The following DNAH9 variants were observed in gnomAD, a reference collection of about 807,000 sequenced individuals.
DNAH9 encodes dynein axonemal heavy chain 9.
DNAH9 carries 345 observed loss-of-function variants against 471.6 expected under a neutral mutation model. The observed-to-expected ratio is 0.73, with a 90% CI of 0.67 to 0.80. The LOEUF (loss-of-function observed/expected upper bound fraction) is 0.80. Among genes scored for constraint, DNAH9 ranks in the 30% least tolerant of loss-of-function variants. DNAH9 has a pLI of 0.00. For synonymous variants in DNAH9, 2,093 were observed against 2,123.6 expected (o/e 0.99, Z 0.40); for missense variants, 5,407 against 5,609.2 (o/e 0.96, Z 1.15).
intron 56 of DNAH9, among the ~76,000 whole-genome samples, chr17:11,884,821 C>G (rs1378612144): frequency 6.6e-6 from 1 of 152,004 alleles, no homozygotes; most frequent in Non-Finnish European, 1.5e-5. Flanking sequence ...CTGCCACTGC[C>G]CTGGATAAGA....
chr17:11,607,459 C>T (rs560195372), intron 1 of DNAH9, among the ~76,000 whole-genome samples: 10 of 152,136 alleles, frequency 6.6e-5, no homozygotes, highest in Admixed American at 6.5e-5. Context: ...CACTGGGGGA[C>T]GCAATTGGCT....
At position 11,932,351 on chromosome 17, in the gene DNAH9, T is replaced by G. The variant is rs2151036369; in HGVS notation, c.12297+146T>G. The G allele has an allele frequency of 2.4e-6, 2 of 836,124 alleles. No homozygotes were observed. The highest frequency in any genetic ancestry group is 5.4e-5 in the East Asian group (2 of 37,342). The allele number at this position is 836,124 out of a possible 1,614,324, so 51.8% of individuals were successfully genotyped here. A position where few individuals can be genotyped will look rare whatever the true frequency, so the allele number is the denominator to read the frequency against. On this transcript the variant is annotated intron_variant, in intron 64 of 68. Coordinates refer to ENST00000262442, the MANE Select transcript of DNAH9 (RefSeq NM_001372.4). This position sits in a 1 kb window ranked among gnomAD's most constrained non-coding sequence, Gnocchi z 4.3. ...CCCTCGTGATGCAGATGCTGCTGAT[T>G]CGGGGACCATAATTTAAGAGTGTAA...
At chr17:11,759,760 C>T (rs1257864934) in intron 35 of DNAH9, among the ~76,000 whole-genome samples, 4 of 150,764 alleles carry the variant, frequency 2.7e-5, no homozygotes, top group African/African-American at 9.8e-5. Context: ...GATCTCAGCT[C>T]ACTGCAACCT....
chr17:11,802,769 A>G (rs1428997798), intron 43 of DNAH9, among the ~76,000 whole-genome samples: 1 of 151,906 alleles, frequency 6.6e-6, no homozygotes, highest in Non-Finnish European at 1.5e-5. Context: ...TAATAACTCC[A>G]TCCAGCTGTT....
chr17:11,719,516 G>T, intron 27 of DNAH9, 26 bp downstream of exon 27: 4 of 1,590,894 alleles, frequency 2.5e-6, no homozygotes, highest in Non-Finnish European at 3.4e-6. Context: ...GCTTCCTGGG[G>T]GTGGGGGTGG....
chr17:11,836,822 C>T (rs1970863209), intron 49 of DNAH9, among the ~76,000 whole-genome samples: 1 of 152,182 alleles, frequency 6.6e-6, no homozygotes, highest in Non-Finnish European at 1.5e-5. Flanking sequence ...CATTCCTTGC[C>T]AAGAAGACAA....
chr17:11,896,019 T>A (rs1973206071), intron 59 of DNAH9, among the ~76,000 whole-genome samples: 1 of 152,240 alleles, frequency 6.6e-6, no homozygotes, highest in Non-Finnish European at 1.5e-5. Flanking sequence ...ACTTTAGGAC[T>A]GTATCTAAAT....
intron 26 of DNAH9, among the ~76,000 whole-genome samples, chr17:11,714,600 G>A (rs1300585456): frequency 1.3e-5 from 2 of 152,112 alleles, no homozygotes; most frequent in Non-Finnish European, 2.9e-5. Flanking sequence ...CTGTGACTGT[G>A]ATGATATTAT....
chr17:11,853,887 T>C, intron 49 of DNAH9, 116 bp from the exon 50 acceptor site: 1 of 936,746 alleles, frequency 1.1e-6, no homozygotes, highest in East Asian at 2.5e-5. Context: ...AGAGGGCTGC[T>C]GCAGGCTTCA....
intron 48 of DNAH9, among the ~76,000 whole-genome samples, chr17:11,830,247 C>T (rs934086068): frequency 6.6e-5 from 10 of 152,228 alleles, no homozygotes; most frequent in Non-Finnish European, 1.5e-5. Flanking sequence ...TTAGGTTTCA[C>T]TTGTCCCTCG....
At chr17:11,647,494 A>T (rs2073418099) in intron 12 of DNAH9, among the ~76,000 whole-genome samples, 1 of 152,164 alleles carries the variant, frequency 6.6e-6, no homozygotes, top group Admixed American at 6.5e-5. Context: ...GTAGTGTTTT[A>T]TTAAGTTGTC....
chr17:11,722,287 A>G (rs1253038927), intron 27 of DNAH9, among the ~76,000 whole-genome samples: 2 of 152,232 alleles, frequency 1.3e-5, no homozygotes, highest in African/African-American at 4.8e-5. Context: ...ACTGAAAGCC[A>G]CTGAAAGCAT....
At chr17:11,911,585 T>A (rs1973794955) in intron 61 of DNAH9, among the ~76,000 whole-genome samples, 1 of 152,200 alleles carries the variant, frequency 6.6e-6, no homozygotes, top group Non-Finnish European at 1.5e-5. Context: ...TTCATATAAT[T>A]TTAGAATTGG....
chr17:11,755,271 GT>G (rs933143382), intron 33 of DNAH9, among the ~76,000 whole-genome samples: 1 of 151,606 alleles, frequency 6.6e-6, no homozygotes, highest in East Asian at 1.9e-4. Flanking sequence ...CTCCAGCTTT[GT>G]TTTTTTTGCT....
intron 61 of DNAH9, among the ~76,000 whole-genome samples, chr17:11,906,355 G>A (rs554928556): frequency 1.2e-4 from 19 of 152,184 alleles, no homozygotes; most frequent in Admixed American, 9.8e-4. Flanking sequence ...GGCTGGGCAC[G>A]GTGGCTGACA....
In DNAH9 at chr17:11,623,790, T is replaced by A. The variant is rs2072919881; in HGVS notation, c.1350+4009T>A. Among the ~76,000 whole-genome samples the A allele has an allele frequency of 6.6e-6, 1 of 152,180 alleles. No homozygotes were observed. The highest frequency in any genetic ancestry group is 1.5e-5 in the Non-Finnish European group (1 of 68,044). ...TTAATAAATACATGAAACACCAATGTGTTTATCTCTCTGCATGCTCTCGTC... is the reference window on the plus strand; with the variant it reads ...TTAATAAATACATGAAACACCAATGAGTTTATCTCTCTGCATGCTCTCGTC... On this transcript the variant is annotated intron_variant, in intron 6 of 68. Coordinates refer to ENST00000262442, the MANE Select transcript of DNAH9 (RefSeq NM_001372.4). This position sits in a 1 kb window ranked among gnomAD's most constrained non-coding sequence, Gnocchi z 4.1.
chr17:11,744,115 AC>A (rs768526995), intron 30 of DNAH9, among the ~76,000 whole-genome samples: 1 of 152,144 alleles, frequency 6.6e-6, no homozygotes, highest in Non-Finnish European at 1.5e-5. Context: ...GGTGTGAGTC[AC>A]CGCACCTGGC....
At position 11,836,274 on chromosome 17, in the gene DNAH9, T is replaced by C. The variant is rs150138300; in HGVS notation, c.9507+1376T>C. ...TGCATTGTCACCTCATACCTCACAT[T>C]GGAATGTAGCATCTATTGCCTCAGG... On this transcript the variant is annotated intron_variant, in intron 49 of 68. Coordinates refer to ENST00000262442, the MANE Select transcript of DNAH9 (RefSeq NM_001372.4). Among the ~76,000 whole-genome samples, 10 of 152,294 alleles carry C rather than the reference T, an allele frequency of 6.6e-5. No homozygotes were observed. In the East Asian group the frequency reaches 1.9e-3, roughly 29 times the overall value.
In DNAH9 at chr17:11,797,593, C is replaced by A; in HGVS notation, c.8224-4C>A. On this transcript the variant is annotated splice_polypyrimidine_tract_variant and splice_region_variant and intron_variant, in intron 42 of 68. Transcript: ENST00000262442. ...GGGCCCTTATTCCTGTGTCTCATCA[C>A]CAGGATATTGAAGACCCTGTGGAGC... 2 of 1,607,760 alleles carry A rather than the reference C, an allele frequency of 1.2e-6. No homozygotes were observed. The highest frequency in any genetic ancestry group is 1.7e-5 in the Admixed American group (1 of 59,446).
Sources: gnomAD v4.1 joint callset for allele counts (sites outside exome capture counted in the v4.1 genomes callset) on GRCh38, gnomAD v4.1.1 for gene constraint, Gnocchi (gnomAD v3.1) non-coding constraint, MANE v1.5 for transcripts, NCBI Gene and HGNC (gene_info 2026-07-23, HGNC 2026-07-21) for gene names.